The following LOC400499 variants were observed in gnomAD, a reference collection of about 807,000 sequenced individuals.
chr16:11,456,849 CA>C, the LOC400499 span: 1 of 1,536,274 alleles, frequency 6.5e-7, no homozygotes, highest in East Asian at 2.4e-5. Flanking sequence ...GCCCCACAGC[CA>C]ACACTCACCT....
At chr16:11,412,701 C>T in the LOC400499 span, 1 of 395,814 alleles carries the variant, frequency 2.5e-6, no homozygotes, top group Non-Finnish European at 4.4e-6. Flanking sequence ...GTTACTTGGC[C>T]TCTCTGAGCC....
the LOC400499 span, chr16:11,460,021 G>T: frequency 1.3e-6 from 2 of 1,482,378 alleles, no homozygotes; most frequent in Admixed American, 4.2e-5. Flanking sequence ...TGTGAGTGCA[G>T]GTGGCCCGAG....
chr16:11,517,415 G>A, the LOC400499 span, among the ~76,000 whole-genome samples: 1 of 152,268 alleles, frequency 6.6e-6, no homozygotes, highest in South Asian at 2.1e-4. Context: ...AACCCAGGAA[G>A]GTAGAGGGAG....
the LOC400499 span, chr16:11,384,773 A>C: frequency 4.6e-5 from 43 of 937,512 alleles, no homozygotes; most frequent in Admixed American, 1.7e-3. Flanking sequence ...GCTAGAGACG[A>C]GGCCGGCAGA....
the LOC400499 span, among the ~76,000 whole-genome samples, chr16:11,405,692 GCATT>G: frequency 6.6e-6 from 1 of 152,178 alleles, no homozygotes; most frequent in Admixed American, 6.5e-5. Context: ...CTTGGTCCAC[GCATT>G]ATTATTGCCC....
chr16:11,399,934 G>A, the LOC400499 span: 389 of 397,816 alleles, frequency 9.8e-4, 1 homozygote, highest in African/African-American at 7.4e-3. Context: ...GGATGGAGAA[G>A]CTGGTGCCCC....
At chr16:11,429,203 G>A in the LOC400499 span, among the ~76,000 whole-genome samples, 1 of 152,130 alleles carries the variant, frequency 6.6e-6, no homozygotes, top group Admixed American at 6.5e-5. Context: ...AAACAGTTTA[G>A]TAGCATCCCC....
chr16:11,429,786 AT>A, the LOC400499 span, among the ~76,000 whole-genome samples: 222 of 149,368 alleles, frequency 1.5e-3, no homozygotes, highest in African/African-American at 1.6e-3. Context: ...TAAGCAATAA[AT>A]TTAAAAAAAA....
the LOC400499 span, chr16:11,390,515 C>T: frequency 8.2e-7 from 1 of 1,220,692 alleles, no homozygotes; most frequent in South Asian, 4.2e-5. Context: ...GGTCAGAGAA[C>T]CAGCCCTGCC....
chr16:11,457,177 C>G, the LOC400499 span: 1 of 761,122 alleles, frequency 1.3e-6, no homozygotes, highest in Non-Finnish European at 2.0e-6. Flanking sequence ...GGAACGCAGT[C>G]CAAAAAAACA....
the LOC400499 span, chr16:11,508,771 G>C: frequency 2.5e-6 from 1 of 398,990 alleles, no homozygotes; most frequent in South Asian, 1.3e-4. Context: ...GGCTGCGGTG[G>C]CCACCATGGC....
the LOC400499 span, chr16:11,446,502 A>T: frequency 6.6e-7 from 1 of 1,510,072 alleles, no homozygotes; most frequent in Non-Finnish European, 8.9e-7. Context: ...CAGCAACTTG[A>T]ACCAGGGCTG....
chr16:11,456,733 T>A, the LOC400499 span: 1 of 1,188,540 alleles, frequency 8.4e-7, no homozygotes, highest in Non-Finnish European at 1.2e-6. Flanking sequence ...TGGCCCAGTT[T>A]GAGTCTTGAG....
the LOC400499 span, among the ~76,000 whole-genome samples, chr16:11,373,088 G>A: frequency 1.8e-4 from 28 of 152,330 alleles, no homozygotes; most frequent in African/African-American, 6.0e-4. Flanking sequence ...AGGGGAGGGC[G>A]GAACCTTAGC....
the LOC400499 span, among the ~76,000 whole-genome samples, chr16:11,400,437 T>G: frequency 2.4e-5 from 1 of 41,200 alleles, no homozygotes; most frequent in Non-Finnish European, 4.6e-5. Flanking sequence ...CAGTCTCACA[T>G]CTTTTTTTTT....
At chr16:11,390,329 G>A in the LOC400499 span, 6 of 1,233,464 alleles carry the variant, frequency 4.9e-6, no homozygotes, top group Non-Finnish European at 6.1e-6. Context: ...ATGGGCCTTG[G>A]ACCCCCTTTG....
At chr16:11,387,298 G>C in the LOC400499 span, 1 of 1,232,226 alleles carries the variant, frequency 8.1e-7, no homozygotes, top group Non-Finnish European at 1.0e-6. Flanking sequence ...AGCGGTTCCT[G>C]CAGGGAATGC....
the LOC400499 span, among the ~76,000 whole-genome samples, chr16:11,425,664 A>G: frequency 6.6e-6 from 1 of 152,208 alleles, no homozygotes; most frequent in Non-Finnish European, 1.5e-5. Context: ...GAAAATCTGA[A>G]CAGCTCTATA....
chr16:11,498,559 C>T, the LOC400499 span, among the ~76,000 whole-genome samples: 3 of 152,098 alleles, frequency 2.0e-5, no homozygotes, highest in African/African-American at 7.2e-5. Flanking sequence ...AATACTCTCT[C>T]CCTGCTTGCC....
Sources: allele counts gnomAD v4.1 joint callset (sites outside exome capture counted in the v4.1 genomes callset), GRCh38; gene constraint gnomAD v4.1.1; transcripts MANE v1.5.